DOCK8: variants seen among roughly 807,000 people sequenced by gnomAD.
DOCK8 encodes dedicator of cytokinesis 8.
A neutral mutation model predicts 245.6 loss-of-function variants in DOCK8; 141 were observed. The observed-to-expected ratio is 0.57, with a 90% CI of 0.50 to 0.66. The LOEUF is 0.66. Ranked by LOEUF, DOCK8 falls within the 30% of genes least tolerant of loss-of-function variation. The pLI is 0.00. For missense variants in DOCK8, 2,965 were observed against 2,603.4 expected (o/e 1.14, Z -3.02); for synonymous variants, 1,168 against 970.2 (o/e 1.20, Z -3.79).
Position 442,038 on chromosome 9 carries a change from C to G in DOCK8, c.5490+29C>G, listed in dbSNP as rs749241194. Reference sequence around the variant, plus strand: ...AGAAAAGTGATTCTGTGCGCCTGACCTGGTACACTTTACAAAAACAAGTTA... The same window carrying G: ...AGAAAAGTGATTCTGTGCGCCTGACGTGGTACACTTTACAAAAACAAGTTA... On this transcript the variant is annotated intron_variant, in intron 42 of 47. Coordinates refer to ENST00000432829, the MANE Select transcript of DOCK8 (RefSeq NM_203447.4). The G allele has an allele frequency of 2.5e-6, 4 of 1,613,022 alleles. No individual in the cohort carries two copies. The South Asian group carries it at 4.4e-5, about 18-fold the overall frequency.
chr9:448,685 C>T (rs988470224), intron 44 of DOCK8, among the ~76,000 whole-genome samples: 1 of 152,142 alleles, frequency 6.6e-6, no homozygotes, highest in African/African-American at 2.4e-5. Context: ...CCTCTGTGTT[C>T]GTGTCCAGAT....
chr9:235,693 C>A (rs1057447732), intron 1 of DOCK8, among the ~76,000 whole-genome samples: 2 of 152,212 alleles, frequency 1.3e-5, no homozygotes, highest in Admixed American at 6.5e-5. Flanking sequence ...GGGCATAGGA[C>A]CCTCTGAGCC....
At chr9:378,975 T>C (rs1427099388) in intron 20 of DOCK8, among the ~76,000 whole-genome samples, 1 of 152,102 alleles carries the variant, frequency 6.6e-6, no homozygotes, top group Admixed American at 6.5e-5. Flanking sequence ...GACGGCTTCA[T>C]GGAGGAGGTG....
chr9:445,015 G>T (rs1019328742), intron 43 of DOCK8, among the ~76,000 whole-genome samples: 34 of 152,238 alleles, frequency 2.2e-4, no homozygotes, highest in African/African-American at 8.0e-4. Flanking sequence ...TAATGGAAGA[G>T]GGGAAGAATT....
At chr9:410,901 A>G (rs2055691392) in intron 28 of DOCK8, among the ~76,000 whole-genome samples, 1 of 152,220 alleles carries the variant, frequency 6.6e-6, no homozygotes, top group Admixed American at 6.5e-5. Flanking sequence ...TCATATCACA[A>G]GAGACCTTAC....
chr9:378,547 G>A (rs1175040123), intron 20 of DOCK8, among the ~76,000 whole-genome samples: 1 of 152,244 alleles, frequency 6.6e-6, no homozygotes, highest in Non-Finnish European at 1.5e-5. Context: ...CATCCATGTA[G>A]CAGTTGCCTC....
chr9:237,046 A>G (rs769093298), intron 1 of DOCK8, among the ~76,000 whole-genome samples: 5 of 152,222 alleles, frequency 3.3e-5, no homozygotes, highest in Non-Finnish European at 7.3e-5. Flanking sequence ...ACACTTCACT[A>G]TGAAAAGGGA....
At chr9:312,530 G>C (rs957891338) in intron 6 of DOCK8, 1 of 414,366 alleles carries the variant, frequency 2.4e-6, no homozygotes, top group African/African-American at 2.1e-5. Flanking sequence ...AATCCATTGA[G>C]ACATACATTA....
chr9:318,580 C>G (rs1468938667), intron 7 of DOCK8, among the ~76,000 whole-genome samples: 1 of 152,260 alleles, frequency 6.6e-6, no homozygotes, highest in Non-Finnish European at 1.5e-5. Flanking sequence ...ATATTATAGT[C>G]TCCTCCCGCT....
At chr9:430,077 A>G (rs1053538101) in intron 36 of DOCK8, among the ~76,000 whole-genome samples, 15 of 152,198 alleles carry the variant, frequency 9.9e-5, no homozygotes, top group African/African-American at 2.9e-4. Context: ...GTGTGTTTCT[A>G]AAATAGACAG....
rs140509120 is a variant in DOCK8 at position 312,055 on chromosome 9, A to G, written c.630A>G (p.Leu210=). ...DLRSLQPDKR[L]ENLLQQVSAE... is the part of the protein sequence containing the mutation. ...GCAGCCTGCAGCCTGACAAGCGGCT[A>G]GAAAACCTCCTGCAGCAAGTGAGTG... Residue 210 remains leucine, a synonymous_variant, in exon 6 of 48, where the codon CTA becomes CTG. Coordinates refer to ENST00000432829, the MANE Select transcript of DOCK8 (RefSeq NM_203447.4). 22 of 1,614,106 alleles carry G rather than the reference A, an allele frequency of 1.4e-5. No homozygotes were observed. The highest frequency in any genetic ancestry group is 6.7e-5 in the African/African-American group (5 of 74,948).
intron 1 of DOCK8, chr9:215,509 T>C: frequency 7.2e-7 from 1 of 1,395,868 alleles, no homozygotes; most frequent in Non-Finnish European, 9.4e-7. Context: ...TGAGCAAGGC[T>C]CCGTCCTCGC....
At chr9:351,940 T>C (rs2052190366) in intron 14 of DOCK8, among the ~76,000 whole-genome samples, 1 of 152,226 alleles carries the variant, frequency 6.6e-6, no homozygotes, top group South Asian at 2.1e-4. Context: ...TCTAGAAATT[T>C]AGCATTTACC....
chr9:264,759 A>G (rs1488284806), intron 1 of DOCK8, among the ~76,000 whole-genome samples: 1 of 152,202 alleles, frequency 6.6e-6, no homozygotes, highest in Non-Finnish European at 1.5e-5. Flanking sequence ...AATGCATCTC[A>G]GAAAAAGCCT....
At chr9:451,131 G>A (rs1181426486) in intron 45 of DOCK8, among the ~76,000 whole-genome samples, 6 of 151,958 alleles carry the variant, frequency 3.9e-5, no homozygotes, top group Non-Finnish European at 8.8e-5. Flanking sequence ...TGGCCAACAT[G>A]GTGAAACCCC....
chr9:267,063 G>A (rs1276893216), intron 1 of DOCK8, among the ~76,000 whole-genome samples: 1 of 152,202 alleles, frequency 6.6e-6, no homozygotes, highest in East Asian at 1.9e-4. Context: ...GAAGAAGGTT[G>A]ATTTGGACAT....
intron 40 of DOCK8, among the ~76,000 whole-genome samples, chr9:439,629 T>G (rs1318927963): frequency 6.6e-6 from 1 of 152,192 alleles, no homozygotes; most frequent in Non-Finnish European, 1.5e-5. Flanking sequence ...GTATGCTCAT[T>G]GGTTGGGCAG....
intron 15 of DOCK8, chr9:368,667 A>C (rs1395127065): frequency 6.6e-6 from 1 of 152,178 alleles, no homozygotes; most frequent in Admixed American, 6.5e-5. Flanking sequence ...ATTCATATAT[A>C]TATATATATA....
chr9:391,037 A>G lies in DOCK8; in HGVS notation c.2970+471A>G, dbSNP rs372203636. 2.6e-5 allele frequency among the ~76,000 whole-genome samples: 4 copies of G among 152,172 alleles called. No individual in the cohort carries two copies. The South Asian group carries it at 8.3e-4, about 32-fold the overall frequency. ...GTTGTTTTCCTCCCTCTCTAACCTC[A>G]TCTCACGCCACATTCCCCCATCATT... On this transcript the variant is annotated intron_variant, in intron 24 of 47. Coordinates refer to ENST00000432829, the MANE Select transcript of DOCK8 (RefSeq NM_203447.4).
Sources: gnomAD v4.1 joint callset for allele counts (sites outside exome capture counted in the v4.1 genomes callset) on GRCh38, gnomAD v4.1.1 for gene constraint, MANE v1.5 for transcripts, NCBI Gene and HGNC (gene_info 2026-07-23, HGNC 2026-07-21) for gene names.